TBC1D22A: variants seen among roughly 807,000 people sequenced by gnomAD.
The protein encoded by TBC1D22A is putative GTPase activator.
A neutral mutation model predicts 60.2 loss-of-function variants in TBC1D22A; 38 were observed. The observed-to-expected ratio is 0.63, with a 90% CI of 0.49 to 0.83. The LOEUF is 0.83. Ranked by LOEUF, TBC1D22A falls within the 40% of genes least tolerant of loss-of-function variation. The probability of loss-of-function intolerance (pLI) is 0.00; values close to 1 mark genes in which losing one functional copy is unlikely to be tolerated. For synonymous variants in TBC1D22A, 302 were observed against 281.7 expected (o/e 1.07, Z -0.72); for missense variants, 628 against 701.0 (o/e 0.90, Z 1.18).
chr22:46,911,502 G>T (rs1378926257), intron 7 of TBC1D22A, among the ~76,000 whole-genome samples: 1 of 152,214 alleles, frequency 6.6e-6, no homozygotes, highest in Non-Finnish European at 1.5e-5. Context: ...GGCCCGCGGG[G>T]TGTGGAGGAG....
intron 4 of TBC1D22A, among the ~76,000 whole-genome samples, chr22:46,871,553 C>G (rs1323503397): frequency 6.6e-6 from 1 of 152,194 alleles, no homozygotes; most frequent in African/African-American, 2.4e-5. Context: ...CAACAAGATA[C>G]ACAGAGAATC....
At chr22:47,001,413 C>T (rs1405834400) in intron 10 of TBC1D22A, among the ~76,000 whole-genome samples, 1 of 147,964 alleles carries the variant, frequency 6.8e-6, no homozygotes, top group Non-Finnish European at 1.5e-5. Context: ...CATTGTACTC[C>T]CGCCCGGGCA....
intron 11 of TBC1D22A, among the ~76,000 whole-genome samples, chr22:47,107,997 AG>A (rs1208379307): frequency 6.6e-6 from 1 of 152,262 alleles, no homozygotes; most frequent in African/African-American, 2.4e-5. Flanking sequence ...GATCTGTAAA[AG>A]AACAAAGTAC....
intron 11 of TBC1D22A, among the ~76,000 whole-genome samples, chr22:47,092,094 G>C (rs2065000538): frequency 6.6e-6 from 1 of 152,194 alleles, no homozygotes; most frequent in African/African-American, 2.4e-5. Flanking sequence ...TTGTGGGCCA[G>C]GCCTGAGTTC....
intron 9 of TBC1D22A, among the ~76,000 whole-genome samples, chr22:46,994,192 C>T (rs1602875245): frequency 6.6e-6 from 1 of 152,166 alleles, no homozygotes; most frequent in East Asian, 1.9e-4. Context: ...AGAAATAAAA[C>T]AAAACTGTGC....
intron 4 of TBC1D22A, among the ~76,000 whole-genome samples, chr22:46,875,098 A>G (rs2067489834): frequency 6.6e-6 from 1 of 152,228 alleles, no homozygotes; most frequent in Non-Finnish European, 1.5e-5. Flanking sequence ...CACAAAATGT[A>G]TATCCACAAG....
chr22:46,853,691 A>G (rs2087411790), intron 4 of TBC1D22A, among the ~76,000 whole-genome samples: 1 of 152,186 alleles, frequency 6.6e-6, no homozygotes, highest in Non-Finnish European at 1.5e-5. Flanking sequence ...GGAACGGAGA[A>G]ATTAATTAAT....
At chr22:46,881,636 G>A (rs1413696575) in intron 5 of TBC1D22A, among the ~76,000 whole-genome samples, 1 of 152,216 alleles carries the variant, frequency 6.6e-6, no homozygotes, top group Admixed American at 6.5e-5. Context: ...AGGGGAGGCT[G>A]CTCTTGGCAG....
At chr22:46,774,182 C>T in intron 1 of TBC1D22A, 1 of 985,592 alleles carries the variant, frequency 1.0e-6, no homozygotes, top group Non-Finnish European at 1.2e-6. Flanking sequence ...CTCCTCCAGG[C>T]TGGGGGAAAA....
At chr22:46,769,573 G>T (rs1021063324) in intron 1 of TBC1D22A, among the ~76,000 whole-genome samples, 1 of 152,176 alleles carries the variant, frequency 6.6e-6, no homozygotes, top group Non-Finnish European at 1.5e-5. Flanking sequence ...CTGTACAGCA[G>T]GAACCGATCT....
intron 4 of TBC1D22A, among the ~76,000 whole-genome samples, chr22:46,862,202 G>A (rs143325090): frequency 1.5e-3 from 226 of 152,320 alleles, no homozygotes; most frequent in African/African-American, 5.3e-3. Flanking sequence ...CGCACAGTAG[G>A]TGCTCAGTGA....
At chr22:46,892,295 TA>T (rs130980) in intron 6 of TBC1D22A, among the ~76,000 whole-genome samples, 126 of 145,680 alleles carry the variant, frequency 8.6e-4, no homozygotes, top group African/African-American at 1.6e-3. Context: ...GTTTTATCTG[TA>T]AAAAAAAAAA....
rs149195549 is a variant in TBC1D22A, at chr22:47,168,981, G to T, written c.1426-4517G>T. On this transcript the variant is annotated intron_variant, in intron 12 of 12. Coordinates refer to ENST00000337137, the MANE Select transcript of TBC1D22A (RefSeq NM_014346.5). ...CCTCGTCTGCTCTTCGGCATCGGGA[G>T]CCTCACCTGCCCTCCGGCATTGGGA... is the stretch of plus-strand genomic sequence containing the variant. Among the ~76,000 whole-genome samples, 948 of 151,230 alleles carry T rather than the reference G, an allele frequency of 6.3e-3. 8 individuals are homozygous for T. The highest frequency in any genetic ancestry group is 0.016 in the South Asian group (77 of 4,826).
chr22:46,919,351 G>C (rs2070594082), intron 8 of TBC1D22A, among the ~76,000 whole-genome samples: 1 of 152,204 alleles, frequency 6.6e-6, no homozygotes, highest in African/African-American at 2.4e-5. Context: ...TCATTCCGTA[G>C]CCAGGTAACG....
At chr22:47,162,794 G>A (rs865880778) in intron 12 of TBC1D22A, among the ~76,000 whole-genome samples, 10 of 99,216 alleles carry the variant, frequency 1.0e-4, no homozygotes, top group African/African-American at 3.2e-4. Flanking sequence ...AGGGAGAGTC[G>A]GGGGAGTGGG....
At chr22:47,016,328 G>A (rs2061910635) in intron 10 of TBC1D22A, among the ~76,000 whole-genome samples, 2 of 152,070 alleles carry the variant, frequency 1.3e-5, no homozygotes, top group Admixed American at 6.5e-5. Context: ...TGGCGGGCAC[G>A]TGCTTGGTCT....
chr22:46,925,014 T>G (rs1163134959), intron 8 of TBC1D22A, among the ~76,000 whole-genome samples: 1 of 152,220 alleles, frequency 6.6e-6, no homozygotes, highest in East Asian at 1.9e-4. Context: ...ATTTCCATTA[T>G]CGGAGTATTG....
At chr22:46,973,569 A>G (rs1569292219) in intron 8 of TBC1D22A, among the ~76,000 whole-genome samples, 1 of 152,260 alleles carries the variant, frequency 6.6e-6, no homozygotes. Context: ...TAAAGTAAAA[A>G]AAAATTAAAA....
At chr22:47,087,695 A>T (rs1293331540) in intron 11 of TBC1D22A, among the ~76,000 whole-genome samples, 2 of 152,232 alleles carry the variant, frequency 1.3e-5, no homozygotes, top group Admixed American at 6.5e-5. Flanking sequence ...ATGTTAGAGG[A>T]ACCACAAATT....
Sources: gnomAD v4.1 joint callset for allele counts (sites outside exome capture counted in the v4.1 genomes callset) on GRCh38, gnomAD v4.1.1 for gene constraint, MANE v1.5 for transcripts, NCBI Gene and HGNC (gene_info 2026-07-23, HGNC 2026-07-21) for gene names.